ZNF460: variants seen among roughly 807,000 people sequenced by gnomAD.
ZNF460 encodes zinc finger protein 272.
In ZNF460, 1 loss-of-function variant was observed where a neutral mutation model predicts 8.4. The observed-to-expected ratio is 0.12, with a 90% CI of 0.04 to 0.56. ZNF460 has a LOEUF of 0.56. Ranked by LOEUF, ZNF460 falls within the 20% of genes least tolerant of loss-of-function variation. The pLI, the probability that ZNF460 is intolerant of heterozygous loss-of-function variation, is 0.91. For synonymous variants in ZNF460, 262 were observed against 259.9 expected (o/e 1.01, Z -0.08); for missense variants, 477 against 714.8 (o/e 0.67, Z 3.79).
At chr19:57,285,428 C>G (rs1424404098) in intron 2 of ZNF460, among the ~76,000 whole-genome samples, 1 of 152,154 alleles carries the variant, frequency 6.6e-6, no homozygotes, top group Non-Finnish European at 1.5e-5. Flanking sequence ...CTCACACATT[C>G]CTTGGCACTA....
Position 57,280,725 on chromosome 19 carries a change from G to A in ZNF460, c.-82G>A. On this transcript the variant is annotated 5_prime_UTR_variant, in exon 1 of 3. Coordinates refer to ENST00000360338, the MANE Select transcript of ZNF460 (RefSeq NM_006635.4). ...GCATTTTTTTCGGGGGAAAACTGAG[G>A]CTCGGAGTGCGAAAGTCAGCCGAGG... 1 of 1,582,312 alleles carries A rather than the reference G, an allele frequency of 6.3e-7. No individual in the cohort carries two copies. The highest frequency in any genetic ancestry group is 1.3e-5 in the African/African-American group (1 of 74,292).
intron 2 of ZNF460, among the ~76,000 whole-genome samples, chr19:57,290,026 G>A (rs2087905495): frequency 6.6e-6 from 1 of 151,936 alleles, no homozygotes; most frequent in South Asian, 2.1e-4. Context: ...TGTAATCCCA[G>A]CCACTTGGGA....
chr19:57,288,209 C>G (rs2087892650), intron 2 of ZNF460, among the ~76,000 whole-genome samples: 1 of 152,030 alleles, frequency 6.6e-6, no homozygotes, highest in African/African-American at 2.4e-5. Context: ...TAGAAATTTT[C>G]CCCTTTTTTA....
rs895055698 is a variant in ZNF460 at position 57,292,801 on chromosome 19, T to C, written c.*571T>C. On this transcript the variant is annotated 3_prime_UTR_variant, in exon 3 of 3. Transcript: ENST00000360338. ...GACAAACGGTTTGTTTGAAAACATT[T>C]TGTGAAAGCCTGCTTTGTTCCACAG... The C allele has an allele frequency of 2.0e-5, 3 of 152,904 alleles. No individual in the cohort carries two copies. Among genetic ancestry groups the C allele is most frequent in the African/African-American group, 7.2e-5 (3 of 41,592 alleles). 9.5% of individuals were successfully genotyped at this position (152,904 alleles called of 1,614,324 possible).
chr19:57,291,807 T>A lies in ZNF460; in HGVS notation c.1266T>A (p.Cys422Ter), dbSNP rs1315489752. ...NIHTGEKPYE[C>*]LQCGKAFTRM... is the part of the protein sequence containing the mutation. The stretch of plus-strand genomic sequence containing the variant: ...ACACTGGAGAGAAGCCCTATGAGTG[T>A]TTACAGTGTGGAAAGGCTTTTACCC... The change falls in exon 3 of 3, where the codon TGT becomes TGA. Residue 422 changes from cysteine to a stop codon, truncating the protein, a stop_gained. Coordinates refer to ENST00000360338, the MANE Select transcript of ZNF460 (RefSeq NM_006635.4). LOFTEE classifies it low-confidence loss of function (END_TRUNC). This position sits in a 1 kb window ranked among gnomAD's most constrained non-coding sequence, Gnocchi z 8.4. The A allele has an allele frequency of 6.2e-7, 1 of 1,613,796 alleles. No homozygotes were observed. The highest frequency in any genetic ancestry group is 1.7e-5 in the Admixed American group (1 of 59,966).
At position 57,291,354 on chromosome 19, in the gene ZNF460, G is replaced by A. The variant is rs915328303; in HGVS notation, c.813G>A (p.Gln271=). The change falls in exon 3 of 3, where the codon CAG becomes CAA. Residue 271 remains glutamine (Q), a synonymous_variant. Coordinates refer to ENST00000360338, the MANE Select transcript of ZNF460 (RefSeq NM_006635.4). This position sits in a 1 kb window ranked among gnomAD's most constrained non-coding sequence, Gnocchi z 8.4. ...FNRGSHLTRH[Q]RVHSGEKPFV... The stretch of plus-strand genomic sequence containing the variant: ...GCGGGTCGCACCTTACACGGCACCA[G>A]CGGGTTCACAGTGGAGAGAAGCCTT... The A allele has an allele frequency of 4.3e-6, 7 of 1,613,840 alleles. No individual in the cohort carries two copies. In the Admixed American group the frequency reaches 8.3e-5, roughly 19 times the overall value.
intron 2 of ZNF460, among the ~76,000 whole-genome samples, chr19:57,287,028 C>T (rs1205326525): frequency 6.6e-6 from 1 of 151,794 alleles, no homozygotes; most frequent in Non-Finnish European, 1.5e-5. Flanking sequence ...AAGTAACTAC[C>T]ACCTACATCA....
At chr19:57,284,468 T>C (rs2087864903) in intron 1 of ZNF460, 83 bp from the exon 2 acceptor site, 2 of 1,520,310 alleles carry the variant, frequency 1.3e-6, no homozygotes, top group Non-Finnish European at 1.8e-6. Flanking sequence ...TCTCTGTGCA[T>C]CTTTTGCAGT....
Position 57,284,542 on chromosome 19 carries a change from A to C in ZNF460, c.31-9A>C. On this transcript the variant is annotated splice_polypyrimidine_tract_variant and intron_variant, in intron 1 of 2. Transcript: ENST00000360338. ...AAGGAAACATTACTGGTTCTTTTTGACTTTTCAGGAGTCTGTGACCTTCGA... is the reference window on the plus strand; with the variant it reads ...AAGGAAACATTACTGGTTCTTTTTGCCTTTTCAGGAGTCTGTGACCTTCGA... The C allele has an allele frequency of 6.2e-7, 1 of 1,608,084 alleles. No homozygotes were observed. Among genetic ancestry groups the C allele is most frequent in the Non-Finnish European group, 8.5e-7 (1 of 1,178,266 alleles).
rs746263295 is a variant in ZNF460, at chr19:57,284,692, C to T, written c.157+15C>T. The T allele has an allele frequency of 2.5e-6, 4 of 1,569,002 alleles. No individual in the cohort carries two copies. The South Asian group carries it at 4.7e-5, about 19-fold the overall frequency. On this transcript the variant is annotated intron_variant, in intron 2 of 2. Transcript: ENST00000360338. ...GGTCGCACTGGGTAAGGCCTGTCCT[C>T]TCCTCTCCAAAATCAGGGGCACCAG...
At position 57,282,499 on chromosome 19, in the gene ZNF460, C is replaced by T. The variant is rs188662685; in HGVS notation, c.30+1663C>T. Among the ~76,000 whole-genome samples the T allele has an allele frequency of 6.6e-5, 10 of 152,306 alleles. No homozygotes were observed. The East Asian group carries it at 1.5e-3, about 24-fold the overall frequency. On this transcript the variant is annotated intron_variant, in intron 1 of 2. Transcript: ENST00000360338. Reference sequence around the variant, plus strand: ...CCTAACACCTGATCAGGTGTCACCACGTCAGGTGATTCTTTGGTGAGGTGG... The same window carrying T: ...CCTAACACCTGATCAGGTGTCACCATGTCAGGTGATTCTTTGGTGAGGTGG...
At chr19:57,290,603 C>A (rs2122895109) in intron 2 of ZNF460, 96 bp from the exon 3 acceptor site, 1 of 1,190,184 alleles carries the variant, frequency 8.4e-7, no homozygotes, top group Non-Finnish European at 1.2e-6. Context: ...ATTTTCAAAT[C>A]ATCACTATTT....
Position 57,280,778 on chromosome 19 carries a change from G to A in ZNF460, c.-29G>A. The stretch of plus-strand genomic sequence containing the variant: ...GCCCCGCCCAGGACAGAGAAGGGCT[G>A]TGGTCGGCTGATCCGCGGCATTCCC... On this transcript the variant is annotated 5_prime_UTR_variant, in exon 1 of 3. It adds an upstream start codon to the 5' untranslated region. Transcript: ENST00000360338. The A allele has an allele frequency of 6.2e-7, 1 of 1,613,804 alleles. No individual in the cohort carries two copies. The highest frequency in any genetic ancestry group is 8.5e-7 in the Non-Finnish European group (1 of 1,179,860).
Position 57,280,714 on chromosome 19 carries a change from G to A in ZNF460, c.-93G>A. ...GGGCCTTGTGCGCATTTTTTTCGGG[G>A]GAAAACTGAGGCTCGGAGTGCGAAA... On this transcript the variant is annotated 5_prime_UTR_variant, in exon 1 of 3. Coordinates refer to ENST00000360338, the MANE Select transcript of ZNF460 (RefSeq NM_006635.4). 2.6e-6 allele frequency: 4 copies of A among 1,558,158 alleles called. No individual in the cohort carries two copies. The highest frequency in any genetic ancestry group is 3.5e-6 in the Non-Finnish European group (4 of 1,145,968).
Position 57,284,665 on chromosome 19 carries a change from C to A in ZNF460, c.145C>A (p.Leu49Met), listed in dbSNP as rs1470899624. Residue 49 changes from leucine to methionine, a missense_variant, in exon 2 of 3, where the codon CTG becomes ATG. By Grantham distance (15) the Leu-to-Met change is conservative. Coordinates refer to ENST00000360338, the MANE Select transcript of ZNF460 (RefSeq NM_006635.4). ...GGTGATGCTGGAGACCTGTGGGCTT[C>A]TGGTCGCACTGGGTAAGGCCTGTCC... ...VEVMLETCGL[L>M]VALGDSTKPE... is the part of the protein sequence containing the mutation. The A allele has an allele frequency of 5.0e-6, 8 of 1,610,620 alleles. No homozygotes were observed. In the Admixed American group the frequency reaches 1.0e-4, roughly 20 times the overall value.
Position 57,280,620 on chromosome 19 carries a change from C to G in ZNF460, c.-187C>G. 1 of 745,632 alleles carries G rather than the reference C, an allele frequency of 1.3e-6. No homozygotes were observed. Among genetic ancestry groups the G allele is most frequent in the South Asian group, 1.9e-5 (1 of 53,732 alleles). 46.2% of individuals were successfully genotyped at this position (745,632 alleles called of 1,614,324 possible). On this transcript the variant is annotated 5_prime_UTR_variant, in exon 1 of 3. Transcript: ENST00000360338. ...CCGCTTCTCCCCTAACGAGGTGTCC[C>G]ACCGGCGCCCGCCGAGGCCTAGGCC...
At position 57,291,645 on chromosome 19, in the gene ZNF460, A is replaced by G. The variant is rs753758822; in HGVS notation, c.1104A>G (p.Gln368=). 77 of 1,613,474 alleles carry G rather than the reference A, an allele frequency of 4.8e-5. No homozygotes were observed. Among genetic ancestry groups the G allele is most frequent in the East Asian group, 2.0e-4 (9 of 44,748 alleles). Residue 368 remains glutamine (Q), a synonymous_variant, in exon 3 of 3, where the codon CAA becomes CAG. Coordinates refer to ENST00000360338, the MANE Select transcript of ZNF460 (RefSeq NM_006635.4). This position sits in a 1 kb window ranked among gnomAD's most constrained non-coding sequence, Gnocchi z 8.4. ...HTGEKPFVCS[Q]CGKAFTHYST... ...GTGAGAAGCCCTTTGTGTGCAGTCA[A>G]TGTGGAAAGGCCTTCACTCACTATT...
In ZNF460 at chr19:57,291,594, C is replaced by G. The variant is rs969106299; in HGVS notation, c.1053C>G (p.Leu351=). 6.2e-7 allele frequency: 1 copy of G among 1,613,802 alleles called. No homozygotes were observed. Among genetic ancestry groups the G allele is most frequent in the African/African-American group, 1.3e-5 (1 of 74,814 alleles). The change falls in exon 3 of 3, where the codon CTC becomes CTG. Residue 351 remains leucine, a synonymous_variant. Coordinates refer to ENST00000360338, the MANE Select transcript of ZNF460 (RefSeq NM_006635.4). The surrounding 1 kb of genome is among the most constrained non-coding windows in gnomAD (Gnocchi z 8.4). ...AGGCCTTCAACTGCAGGTCACACCT[C>G]AAGCAGCATGAGCGGATTCACACTG... The part of the protein sequence containing the change: ...CGKAFNCRSH[L]KQHERIHTGE...
chr19:57,290,909 G>A lies in ZNF460; in HGVS notation c.368G>A (p.Ser123Asn), dbSNP rs778744860. The A allele has an allele frequency of 3.7e-6, 6 of 1,614,190 alleles. No individual in the cohort carries two copies. In the East Asian group the frequency reaches 1.3e-4, roughly 36 times the overall value. ...PQSEKLHGKM[S>N]LEHEGLATAD... Reference sequence around the variant, plus strand: ...AGTGAGAAACTCCATGGGAAAATGAGCCTTGAACACGAAGGTTTGGCGACA... The same window carrying A: ...AGTGAGAAACTCCATGGGAAAATGAACCTTGAACACGAAGGTTTGGCGACA... The change falls in exon 3 of 3, where the codon AGC (serine) becomes AAC (asparagine). Residue 123 changes from serine (S) to asparagine (N), a missense_variant. Physicochemically the swap from Ser to Asn is conservative, Grantham distance 46. Coordinates refer to ENST00000360338, the MANE Select transcript of ZNF460 (RefSeq NM_006635.4).
Sources: allele counts gnomAD v4.1 joint callset (sites outside exome capture counted in the v4.1 genomes callset), GRCh38; gene constraint gnomAD v4.1.1; non-coding constraint Gnocchi (gnomAD v3.1); transcripts MANE v1.5; gene names NCBI Gene and HGNC (gene_info 2026-07-23, HGNC 2026-07-21).